MTA3: variants seen among roughly 807,000 people sequenced by gnomAD.
MTA3 encodes the protein metastasis associated 1 family member 3, also known as metastasis-associated protein MTA3.
Under a neutral mutation model 83.5 loss-of-function variants are expected in MTA3, and 34 were observed. That is an observed-to-expected ratio of 0.41 (90% CI 0.31 to 0.54). MTA3 has a LOEUF of 0.54. Ranked by LOEUF, MTA3 falls within the 20% of genes least tolerant of loss-of-function variation. The probability of loss-of-function intolerance (pLI) is 0.33; values close to 1 mark genes in which losing one functional copy is unlikely to be tolerated. For missense variants in MTA3, 761 were observed against 726.4 expected (o/e 1.05, Z -0.55); for synonymous variants, 303 against 252.7 (o/e 1.20, Z -1.89).
chr2:42,709,780 G>C (rs1319022229), intron 14 of MTA3, among the ~76,000 whole-genome samples: 1 of 152,108 alleles, frequency 6.6e-6, no homozygotes, highest in African/African-American at 2.4e-5. Context: ...TGTCCAGTTT[G>C]GTTTCCATTT....
At chr2:42,708,592 G>C (rs1437443285) in intron 13 of MTA3, among the ~76,000 whole-genome samples, 3 of 152,092 alleles carry the variant, frequency 2.0e-5, no homozygotes, top group Non-Finnish European at 2.9e-5. Flanking sequence ...TTAAAAAAAA[G>C]TGTAGTTAAC....
At chr2:42,599,038 G>A (rs1682207352) in intron 3 of MTA3, among the ~76,000 whole-genome samples, 1 of 152,096 alleles carries the variant, frequency 6.6e-6, no homozygotes, top group African/African-American at 2.4e-5. Context: ...AATGGTTGTG[G>A]CTGCTCTCCT....
intron 6 of MTA3, 124 bp from the exon 7 acceptor site, chr2:42,656,076 C>A (rs1573497757): frequency 1.5e-6 from 1 of 666,356 alleles, no homozygotes; most frequent in Non-Finnish European, 2.6e-6. Context: ...AAAGAATATG[C>A]CAAAACTGTG....
In MTA3 at chr2:42,592,320, A is replaced by T. The variant is rs575983550; in HGVS notation, c.190+13120A>T. ...CATTTATGGCTGGGCATAGTAGATC[A>T]TACCTGTAATCCCAGCACTTTGGGA... On this transcript the variant is annotated intron_variant, in intron 3 of 16. Coordinates refer to ENST00000405094, the MANE Select transcript of MTA3 (RefSeq NM_001330442.2). 9.9e-5 allele frequency among the ~76,000 whole-genome samples: 15 copies of T among 152,250 alleles called. No individual in the cohort carries two copies. The South Asian group carries it at 2.7e-3, about 27-fold the overall frequency.
chr2:42,677,876 C>G (rs372914434), intron 8 of MTA3, among the ~76,000 whole-genome samples: 1 of 152,192 alleles, frequency 6.6e-6, no homozygotes, highest in Non-Finnish European at 1.5e-5. Flanking sequence ...CTCCCTGTCT[C>G]TCTCACACAC....
chr2:42,615,694 T>TAA (rs748029424), intron 4 of MTA3, among the ~76,000 whole-genome samples: 25 of 147,118 alleles, frequency 1.7e-4, no homozygotes, highest in Non-Finnish European at 3.3e-4. Flanking sequence ...TCACCACAGA[T>TAA]ACTTGAATAA....
At position 42,718,969 on chromosome 2, in the gene MTA3, T is replaced by C. The variant is rs914371158; in HGVS notation, c.1526-19T>C. ...AAATCCATTTCATTGGTTATCTCCA[T>C]GTTTCTTTCTCTCCTCAGATGCAGA... On this transcript the variant is annotated intron_variant, in intron 14 of 16. Transcript: ENST00000405094. The C allele has an allele frequency of 6.5e-7, 1 of 1,533,518 alleles. No homozygotes were observed. Among genetic ancestry groups the C allele is most frequent in the Non-Finnish European group, 8.8e-7 (1 of 1,131,582 alleles). The allele number at this position is 1,533,518 out of a possible 1,614,324, so 95.0% of individuals were successfully genotyped here. A position where few individuals can be genotyped will look rare whatever the true frequency, so the allele number is the denominator to read the frequency against.
chr2:42,743,505 T>C (rs1438134385), intron 16 of MTA3, among the ~76,000 whole-genome samples: 1 of 152,212 alleles, frequency 6.6e-6, no homozygotes, highest in African/African-American at 2.4e-5. Flanking sequence ...AAGTGATGAA[T>C]TGTACAATAA....
intron 8 of MTA3, among the ~76,000 whole-genome samples, chr2:42,679,145 C>T (rs1435243803): frequency 6.6e-6 from 1 of 152,064 alleles, no homozygotes; most frequent in Non-Finnish European, 1.5e-5. Context: ...TCATACTTGC[C>T]CTACCTACTT....
chr2:42,745,488 C>T (rs1424297686), intron 16 of MTA3, among the ~76,000 whole-genome samples: 1 of 152,208 alleles, frequency 6.6e-6, no homozygotes, highest in East Asian at 1.9e-4. Context: ...CTTATCATCT[C>T]TGTCTTTTTA....
chr2:42,730,660 G>T (rs1041357464), intron 16 of MTA3, among the ~76,000 whole-genome samples: 1 of 152,122 alleles, frequency 6.6e-6, no homozygotes, highest in African/African-American at 2.4e-5. Flanking sequence ...ACATTGACTT[G>T]TAGCTTTTTC....
At chr2:42,717,141 T>G (rs1426279566) in intron 14 of MTA3, among the ~76,000 whole-genome samples, 1 of 149,498 alleles carries the variant, frequency 6.7e-6, no homozygotes, top group Non-Finnish European at 1.5e-5. Flanking sequence ...TTTTTTTTTT[T>G]TTTTTTTTTT....
chr2:42,601,538 G>A (rs1294164602), intron 3 of MTA3, among the ~76,000 whole-genome samples: 2 of 152,132 alleles, frequency 1.3e-5, no homozygotes, highest in African/African-American at 2.4e-5. Context: ...GGTGCGTGCC[G>A]CCACACGACT....
intron 4 of MTA3, among the ~76,000 whole-genome samples, chr2:42,638,057 A>T (rs1321256138): frequency 6.6e-6 from 1 of 152,160 alleles, no homozygotes; most frequent in Admixed American, 6.5e-5. Context: ...AAAAAAAAGT[A>T]CCTATTAAAA....
intron 3 of MTA3, among the ~76,000 whole-genome samples, chr2:42,580,961 G>T (rs1679551810): frequency 6.6e-6 from 1 of 152,162 alleles, no homozygotes; most frequent in African/African-American, 2.4e-5. Context: ...TGGTATGGGT[G>T]TAAGGAAGGC....
intron 2 of MTA3, among the ~76,000 whole-genome samples, chr2:42,505,442 G>A (rs1032932015): frequency 2.0e-5 from 3 of 152,010 alleles, no homozygotes; most frequent in Non-Finnish European, 4.4e-5. Context: ...AGGTTCCAAA[G>A]CTAACTAGTA....
rs1044092175 is a variant in MTA3 at position 42,756,416 on chromosome 2, C to A, written c.*3017C>A. The A allele has an allele frequency of 1.2e-5, 12 of 972,550 alleles. No homozygotes were observed. The highest frequency in any genetic ancestry group is 1.3e-5 in the Non-Finnish European group (11 of 818,314). 60.2% of individuals were successfully genotyped at this position (972,550 alleles called of 1,614,324 possible). ...CTGGGAGCCTGGGACAGGCGACCCA[C>A]CGGGTCAGTCCCCTGCCACTCAGAG... On this transcript the variant is annotated 3_prime_UTR_variant, in exon 17 of 17. Coordinates refer to ENST00000405094, the MANE Select transcript of MTA3 (RefSeq NM_001330442.2).
At chr2:42,628,003 G>T (rs1184356528) in intron 4 of MTA3, among the ~76,000 whole-genome samples, 2 of 151,950 alleles carry the variant, frequency 1.3e-5, no homozygotes, top group East Asian at 3.9e-4. Flanking sequence ...TCCCGCCTCA[G>T]CCTCCTAAGT....
rs576357410 is a variant in MTA3, at chr2:42,583,367, C to T, written c.190+4167C>T. Among the ~76,000 whole-genome samples the T allele has an allele frequency of 8.5e-5, 13 of 152,230 alleles. No homozygotes were observed. In the South Asian group the frequency reaches 2.7e-3, roughly 32 times the overall value. ...TATTGACTAAAACATCAGGTGCAGA[C>T]AGCACATAAAGTTGTCTGAAGAATT... On this transcript the variant is annotated intron_variant, in intron 3 of 16. Coordinates refer to ENST00000405094, the MANE Select transcript of MTA3 (RefSeq NM_001330442.2).
Sources: gnomAD v4.1 joint callset for allele counts (sites outside exome capture counted in the v4.1 genomes callset) on GRCh38, gnomAD v4.1.1 for gene constraint, MANE v1.5 for transcripts, NCBI Gene and HGNC (gene_info 2026-07-23, HGNC 2026-07-21) for gene names.